The following SHISA6 variants were observed in gnomAD, a reference collection of about 807,000 sequenced individuals.
SHISA6 encodes shisa family member 6, also known as protein shisa-6.
In SHISA6, 22 loss-of-function variants were observed where a neutral mutation model predicts 47.9. The ratio of observed to expected loss-of-function variants is 0.46; its 90% CI spans 0.33 to 0.66. The LOEUF is 0.66. Among genes scored for constraint, SHISA6 ranks in the 30% least tolerant of loss-of-function variants. The pLI is 0.02. For synonymous variants in SHISA6, 388 were observed against 337.8 expected (o/e 1.15, Z -1.63); for missense variants, 680 against 764.6 (o/e 0.89, Z 1.30).
At chr17:11,391,762 CT>C (rs1369048604) in intron 3 of SHISA6, among the ~76,000 whole-genome samples, 1 of 152,144 alleles carries the variant, frequency 6.6e-6, no homozygotes, top group Non-Finnish European at 1.5e-5. Context: ...TGATAAGACC[CT>C]TTATTGTCCG....
At chr17:11,511,226 G>C (rs1228667630) in intron 3 of SHISA6, among the ~76,000 whole-genome samples, 1 of 152,156 alleles carries the variant, frequency 6.6e-6, no homozygotes, top group African/African-American at 2.4e-5. Context: ...ATAAGTGGGA[G>C]TTGAACGATG....
At chr17:11,450,852 C>T (rs2142305330) in intron 3 of SHISA6, among the ~76,000 whole-genome samples, 1 of 152,254 alleles carries the variant, frequency 6.6e-6, no homozygotes, top group East Asian at 1.9e-4. Flanking sequence ...TCATGCCTTT[C>T]TTCTTGAGAC....
chr17:11,405,774 C>G, intron 3 of SHISA6, among the ~76,000 whole-genome samples: 1 of 150,990 alleles, frequency 6.6e-6, no homozygotes, highest in Non-Finnish European at 1.5e-5. Flanking sequence ...GCCTGGGTGA[C>G]AGAGCAAAGC....
chr17:11,477,380 A>G (rs1292710969), intron 3 of SHISA6, among the ~76,000 whole-genome samples: 2 of 152,080 alleles, frequency 1.3e-5, no homozygotes, highest in Non-Finnish European at 2.9e-5. Flanking sequence ...AACATTTTAC[A>G]TGATTCTATT....
At chr17:11,350,241 G>A (rs1311252826) in intron 2 of SHISA6, among the ~76,000 whole-genome samples, 3 of 94,672 alleles carry the variant, frequency 3.2e-5, no homozygotes, top group African/African-American at 8.8e-5. Context: ...GTGCAGTGGC[G>A]CGATCTCGGC....
chr17:11,262,270 G>T (rs1261076718), intron 1 of SHISA6, among the ~76,000 whole-genome samples: 1 of 152,158 alleles, frequency 6.6e-6, no homozygotes, highest in Non-Finnish European at 1.5e-5. Flanking sequence ...CTGGACTCCT[G>T]GTAAGAGGGA....
intron 3 of SHISA6, among the ~76,000 whole-genome samples, chr17:11,485,098 C>A (rs961684004): frequency 6.6e-6 from 1 of 152,120 alleles, no homozygotes; most frequent in Non-Finnish European, 1.5e-5. Context: ...CCTTGATGTT[C>A]TTCTAAAAGT....
intron 1 of SHISA6, among the ~76,000 whole-genome samples, chr17:11,251,191 C>G (rs1037422527): frequency 1.3e-5 from 2 of 152,014 alleles, no homozygotes; most frequent in Non-Finnish European, 2.9e-5. Flanking sequence ...AAAGACCTAC[C>G]TTCCCATGCC....
At chr17:11,242,529 A>G (rs757615262) in intron 1 of SHISA6, among the ~76,000 whole-genome samples, 1 of 152,202 alleles carries the variant, frequency 6.6e-6, no homozygotes, top group Non-Finnish European at 1.5e-5. Context: ...GTTCTCGTAC[A>G]TTAGGAATTG....
At chr17:11,374,062 T>C (rs1912709471) in intron 2 of SHISA6, among the ~76,000 whole-genome samples, 1 of 152,346 alleles carries the variant, frequency 6.6e-6, no homozygotes, top group South Asian at 2.1e-4. Context: ...GTCAGTAGGC[T>C]CAGGCATTTT....
Position 11,256,456 on chromosome 17 carries a change from G to A in SHISA6, c.639-6910G>A, listed in dbSNP as rs1434164542. ...GGTTGCAGTGAACTGAGATCACACCGCTGCACTCCAGTCTGGGTAACAGAG... is the reference window on the plus strand; with the variant it reads ...GGTTGCAGTGAACTGAGATCACACCACTGCACTCCAGTCTGGGTAACAGAG... On this transcript the variant is annotated intron_variant, in intron 1 of 5. Transcript: ENST00000441885. 5.9e-5 allele frequency among the ~76,000 whole-genome samples: 9 copies of A among 152,068 alleles called. No individual in the cohort carries two copies. In the South Asian group the frequency reaches 8.3e-4, roughly 14 times the overall value.
chr17:11,304,322 T>G (rs1316223712), intron 2 of SHISA6, among the ~76,000 whole-genome samples: 2 of 152,142 alleles, frequency 1.3e-5, no homozygotes, highest in Admixed American at 6.5e-5. Flanking sequence ...AGAGGGAGGA[T>G]GATCACACAG....
rs149204246 is a variant in SHISA6 at position 11,468,583 on chromosome 17, A to C, written c.896-83313A>C. Among the ~76,000 whole-genome samples, 260 of 152,242 alleles carry C rather than the reference A, an allele frequency of 1.7e-3. 1 individual carries two copies. The highest frequency in any genetic ancestry group is 6.0e-3 in the African/African-American group (251 of 41,550). On this transcript the variant is annotated intron_variant, in intron 3 of 5. Coordinates refer to ENST00000441885, the MANE Select transcript of SHISA6 (RefSeq NM_207386.4). ...GGAGAAAACACAGAACAGGACCTGG[A>C]TTTGTCAGCACAAGGGCTAGTCCAA...
At chr17:11,361,498 C>T (rs1912284752) in intron 2 of SHISA6, among the ~76,000 whole-genome samples, 2 of 152,164 alleles carry the variant, frequency 1.3e-5, no homozygotes, top group Non-Finnish European at 2.9e-5. Context: ...GTCTCTCATG[C>T]ATGTCCGTGG....
chr17:11,290,753 A>G (rs916650637), intron 2 of SHISA6: 2 of 152,022 alleles, frequency 1.3e-5, no homozygotes, highest in Non-Finnish European at 2.9e-5. Flanking sequence ...ATTTTCTTGC[A>G]TTATGCCATG....
At chr17:11,323,619 A>C (rs911687708) in intron 2 of SHISA6, among the ~76,000 whole-genome samples, 3 of 151,884 alleles carry the variant, frequency 2.0e-5, no homozygotes, top group Admixed American at 6.6e-5. Context: ...GCGCCATTGC[A>C]CTCCATCCTG....
chr17:11,558,376 C>A lies in SHISA6; in HGVS notation c.*72C>A. 3.5e-6 allele frequency: 5 copies of A among 1,447,614 alleles called. No individual in the cohort carries two copies. The highest frequency in any genetic ancestry group is 4.6e-6 in the Non-Finnish European group (5 of 1,084,108). The allele number at this position is 1,447,614 out of a possible 1,614,324, so 89.7% of individuals were successfully genotyped here. A position where few individuals can be genotyped will look rare whatever the true frequency, so the allele number is the denominator to read the frequency against. ...GGGCCGGGAGGGGCCAGGAGCAGAG[C>A]TTCTAGCCTTGCCACTCTCCCTTCC... On this transcript the variant is annotated 3_prime_UTR_variant, in exon 6 of 6. Transcript: ENST00000441885.
chr17:11,484,711 T>C (rs1916304133), intron 3 of SHISA6, among the ~76,000 whole-genome samples: 1 of 152,210 alleles, frequency 6.6e-6, no homozygotes, highest in South Asian at 2.1e-4. Flanking sequence ...AAATAGGGTC[T>C]TGTTAATATC....
At chr17:11,393,279 T>A in intron 3 of SHISA6, among the ~76,000 whole-genome samples, 1 of 152,190 alleles carries the variant, frequency 6.6e-6, no homozygotes, top group East Asian at 1.9e-4. Flanking sequence ...TTTCTCTCTC[T>A]CACTGCCTGC....
Sources: gnomAD v4.1 joint callset for allele counts (sites outside exome capture counted in the v4.1 genomes callset) on GRCh38, gnomAD v4.1.1 for gene constraint, MANE v1.5 for transcripts, NCBI Gene and HGNC (gene_info 2026-07-23, HGNC 2026-07-21) for gene names.